The following PPHLN1 variants were observed in gnomAD, a reference collection of about 807,000 sequenced individuals.
PPHLN1 encodes the protein periphilin 1, also known as periphilin-1.
PPHLN1 carries 29 observed loss-of-function variants against 51.3 expected under a neutral mutation model. That is an observed-to-expected ratio of 0.57 (90% CI 0.42 to 0.77). PPHLN1 has a LOEUF of 0.77. Among genes scored for constraint, PPHLN1 ranks in the 30% least tolerant of loss-of-function variants. PPHLN1 has a pLI of 0.00. For synonymous variants in PPHLN1, 147 were observed against 147.8 expected, an observed-to-expected ratio of 0.99 and a Z score of 0.04; for missense variants, 436 against 438.4, an observed-to-expected ratio of 0.99 and a Z score of 0.05.
intron 4 of PPHLN1, among the ~76,000 whole-genome samples, chr12:42,365,274 G>GT (rs1565837065): frequency 6.6e-6 from 1 of 152,146 alleles, no homozygotes; most frequent in Non-Finnish European, 1.5e-5. Context: ...TCTTGAAATC[G>GT]TAATTCTTTT....
chr12:42,390,172 G>C (rs895116179), intron 7 of PPHLN1, among the ~76,000 whole-genome samples: 4 of 152,092 alleles, frequency 2.6e-5, no homozygotes, highest in Admixed American at 6.6e-5. Flanking sequence ...GGGTGTCTGG[G>C]GGGCAGCTGC....
downstream of PPHLN1, chr12:42,442,887 T>C (rs1269327919): frequency 7.6e-7 from 1 of 1,310,630 alleles, no homozygotes; most frequent in South Asian, 1.6e-5. Context: ...AGCCTCGGTT[T>C]CGCAGGCTCA....
At chr12:42,444,796 G>T (rs1593073274), downstream of PPHLN1, 1 of 469,790 alleles carries the variant, frequency 2.1e-6, no homozygotes. Flanking sequence ...TTCTTATCTA[G>T]TACTTCTGTA....
intron 4 of PPHLN1, among the ~76,000 whole-genome samples, chr12:42,367,720 T>G (rs1396736470): frequency 1.3e-5 from 2 of 152,210 alleles, no homozygotes; most frequent in Non-Finnish European, 2.9e-5. Flanking sequence ...ATTAAAAGAT[T>G]AAAAGTAAAT....
chr12:42,400,671 A>G (rs553799366), intron 9 of PPHLN1, among the ~76,000 whole-genome samples: 5 of 152,122 alleles, frequency 3.3e-5, no homozygotes, highest in South Asian at 4.2e-4. Context: ...CACTGTGCTA[A>G]GATGCAGTTC....
chr12:42,373,176 G>C (rs571904300), intron 4 of PPHLN1, among the ~76,000 whole-genome samples: 1 of 152,080 alleles, frequency 6.6e-6, no homozygotes, highest in Non-Finnish European at 1.5e-5. Flanking sequence ...GTGTACATTT[G>C]GCTCACCATT....
chr12:42,406,821 CTTTTT>C (rs1317151212), intron 9 of PPHLN1, among the ~76,000 whole-genome samples: 1 of 151,806 alleles, frequency 6.6e-6, no homozygotes, highest in South Asian at 2.1e-4. Flanking sequence ...TTTCTAGAAG[CTTTTT>C]TTATTTTATA....
chr12:42,334,327 A>G (rs2070268305), intron 1 of PPHLN1, among the ~76,000 whole-genome samples: 2 of 152,204 alleles, frequency 1.3e-5, no homozygotes, highest in Admixed American at 1.3e-4. Context: ...GTTAATTTTT[A>G]ATTTAAAGTA....
intron 4 of PPHLN1, among the ~76,000 whole-genome samples, chr12:42,369,531 A>G (rs1177440005): frequency 6.6e-6 from 1 of 152,198 alleles, no homozygotes; most frequent in Non-Finnish European, 1.5e-5. Context: ...TTTGAGTGCT[A>G]TATGCCAGGT....
Position 42,328,641 on chromosome 12 carries a change from A to G in PPHLN1, c.-21+2412A>G, listed in dbSNP as rs138152846. Among the ~76,000 whole-genome samples, 358 of 152,382 alleles carry G rather than the reference A, an allele frequency of 2.3e-3. 1 individual carries two copies. The highest frequency in any genetic ancestry group is 3.7e-3 in the Non-Finnish European group (255 of 68,040). On this transcript the variant is annotated intron_variant, in intron 1 of 9. Coordinates refer to ENST00000358314, the MANE Select transcript of PPHLN1 (RefSeq NM_201439.2). ...AGTTTAGTGCAGTACATTCGGGCTT[A>G]TAAAAGAAGTATCCTTAAAGCGTTG...
intron 9 of PPHLN1, among the ~76,000 whole-genome samples, chr12:42,430,013 T>C (rs1414785583): frequency 6.6e-6 from 1 of 152,198 alleles, no homozygotes; most frequent in Non-Finnish European, 1.5e-5. Context: ...ATGTGTCTTT[T>C]TGTATGTGAA....
At chr12:42,335,718 C>T (rs2070519381) in intron 1 of PPHLN1, among the ~76,000 whole-genome samples, 165 bp from the exon 2 acceptor site, 1 of 140,812 alleles carries the variant, frequency 7.1e-6, no homozygotes, top group Non-Finnish European at 1.5e-5. Context: ...AAGAAAATCT[C>T]AAAATTGTTT....
chr12:42,343,686 C>T (rs1288114824), intron 2 of PPHLN1: 3 of 260,244 alleles, frequency 1.2e-5, no homozygotes. Flanking sequence ...TGTAGAGTTG[C>T]CCTAAGAGGT....
intron 9 of PPHLN1, among the ~76,000 whole-genome samples, chr12:42,411,823 G>A (rs1381200340): frequency 6.9e-6 from 1 of 144,690 alleles, no homozygotes; most frequent in Admixed American, 7.2e-5. Context: ...GAGAATCGCT[G>A]GCACCCAGAG....
downstream of PPHLN1, chr12:42,447,658 C>T (rs1368929093): frequency 1.3e-5 from 2 of 152,192 alleles, no homozygotes; most frequent in African/African-American, 4.8e-5. Flanking sequence ...ATCCTCCCTT[C>T]CTCTTTCCAT....
At chr12:42,441,221 A>G (rs1408088794) in intron 9 of PPHLN1, 94 bp from the exon 10 acceptor site, 1 of 1,432,814 alleles carries the variant, frequency 7.0e-7, no homozygotes, top group East Asian at 2.3e-5. Context: ...TCTCTCTTTT[A>G]GATGTCAGCA....
At chr12:42,326,427 GGGTTCGCCTCTCT>G (rs968527840) in intron 1 of PPHLN1, among the ~76,000 whole-genome samples, 198 bp downstream of exon 1, 5 of 152,106 alleles carry the variant, frequency 3.3e-5, no homozygotes, top group Admixed American at 2.6e-4. Flanking sequence ...TCTAAGATAG[GGGTTCGCCTCTCT>G]GTAGCGCCTT....
chr12:42,341,654 G>T (rs2137937682), intron 2 of PPHLN1, among the ~76,000 whole-genome samples: 1 of 151,936 alleles, frequency 6.6e-6, no homozygotes, highest in East Asian at 1.9e-4. Context: ...GCGGAGTCTG[G>T]CTCTATCGCC....
intron 2 of PPHLN1, among the ~76,000 whole-genome samples, chr12:42,344,929 C>A (rs983597406): frequency 6.6e-6 from 1 of 151,926 alleles, no homozygotes; most frequent in Non-Finnish European, 1.5e-5. Flanking sequence ...AGGCTGGTCT[C>A]GAATTCCTGG....
Sources: gnomAD v4.1 joint callset for allele counts (sites outside exome capture counted in the v4.1 genomes callset) on GRCh38, gnomAD v4.1.1 for gene constraint, MANE v1.5 for transcripts, NCBI Gene and HGNC (gene_info 2026-07-23, HGNC 2026-07-21) for gene names.